Variants in ACTA2 observed in about 807,000 individuals in gnomAD.
ACTA2 encodes the protein actin, aortic smooth muscle.
A neutral mutation model predicts 39.5 loss-of-function variants in ACTA2; 12 were observed. That is an observed-to-expected ratio of 0.30 (90% CI 0.19 to 0.49). The LOEUF (loss-of-function observed/expected upper bound fraction) is 0.49. Among genes scored for constraint, ACTA2 ranks in the 20% least tolerant of loss-of-function variants. The pLI, the probability that ACTA2 is intolerant of heterozygous loss-of-function variation, is 0.99. For synonymous variants in ACTA2, 158 were observed against 180.6 expected, an observed-to-expected ratio of 0.88 and a Z score of 1.00; for missense variants, 236 against 498.8, an observed-to-expected ratio of 0.47 and a Z score of 5.02.
At position 88,947,538 on chromosome 10, in the gene ACTA2, C is replaced by T; in HGVS notation, c.130-152G>A. The T allele has an allele frequency of 4.2e-6, 5 of 1,200,838 alleles. No individual in the cohort carries two copies. In the South Asian group the frequency reaches 5.3e-5, roughly 13 times the overall value. The allele number at this position is 1,200,838 out of a possible 1,614,324, so 74.4% of individuals were successfully genotyped here. A position where few individuals can be genotyped will look rare whatever the true frequency, so the allele number is the denominator to read the frequency against. On this transcript the variant is annotated intron_variant, in intron 2 of 8. Coordinates refer to ENST00000224784, the MANE Select transcript of ACTA2 (RefSeq NM_001613.4). ...TATTGAGTCTCATTGCCACTATGCT[C>T]TTAAGCAAAATTCTGCAGTTGATTG... is the stretch of plus-strand genomic sequence containing the variant.
intron 1 of ACTA2, among the ~76,000 whole-genome samples, chr10:88,979,841 T>G (rs1166701628): frequency 6.6e-6 from 1 of 152,224 alleles, no homozygotes; most frequent in Non-Finnish European, 1.5e-5. Flanking sequence ...TTCTAGTGCC[T>G]GTGTCCTCAC....
chr10:88,952,450 TG>T (rs1030127285), intron 1 of ACTA2, among the ~76,000 whole-genome samples: 2 of 152,220 alleles, frequency 1.3e-5, no homozygotes, highest in African/African-American at 4.8e-5. Context: ...CTGCAAGATC[TG>T]GGCTGTTTGT....
chr10:88,935,304 C>T lies in ACTA2; in HGVS notation c.1053G>A (p.Leu351=). The T allele has an allele frequency of 6.2e-7, 1 of 1,613,948 alleles. No homozygotes were observed. ...VWIGGSILAS[L]STFQQMWISK... ...TGATCCACATCTGCTGGAAGGTGGACAGAGAGGCCAGGATGGAGCCACCGA... is the reference window on the plus strand; with the variant it reads ...TGATCCACATCTGCTGGAAGGTGGATAGAGAGGCCAGGATGGAGCCACCGA... The change falls in exon 9 of 9, where the codon CTG becomes CTA. Residue 351 remains leucine (L), a synonymous_variant. Transcript: ENST00000224784.
intron 1 of ACTA2, among the ~76,000 whole-genome samples, chr10:88,960,883 T>G (rs1846216664): frequency 6.6e-6 from 1 of 152,312 alleles, no homozygotes; most frequent in South Asian, 2.1e-4. Flanking sequence ...CCACAGAAAG[T>G]CTCTGTTCTC....
Position 88,990,751 on chromosome 10 carries a change from C to A in ACTA2, c.-24+188G>T. 8.2e-7 allele frequency: 1 copy of A among 1,213,934 alleles called. No individual in the cohort carries two copies. The highest frequency in any genetic ancestry group is 1.2e-6 in the Non-Finnish European group (1 of 829,034). The allele number at this position is 1,213,934 out of a possible 1,614,324, so 75.2% of individuals were successfully genotyped here. ...CTGGAGCCTCAGGGGCGGGCACTGG[C>A]ACGGAACACACCCTGAGGCCAGCCC... On this transcript the variant is annotated intron_variant, in intron 1 of 4. Coordinates refer to the ACTA2 transcript ENST00000415557. This position sits in a 1 kb window ranked among gnomAD's most constrained non-coding sequence, Gnocchi z 4.9.
At chr10:88,974,875 G>A (rs1042260230) in intron 1 of ACTA2, 8 of 152,104 alleles carry the variant, frequency 5.3e-5, no homozygotes, top group East Asian at 1.9e-4. Flanking sequence ...ACTATATAGC[G>A]CTCTAAATCC....
chr10:88,943,932 A>C lies in ACTA2; in HGVS notation c.259-25T>G, dbSNP rs746027292. 4.4e-6 allele frequency: 7 copies of C among 1,601,834 alleles called. No homozygotes were observed. In the South Asian group the frequency reaches 7.7e-5, roughly 18 times the overall value. ...TCTAGTGAGTTGGGGGACAGAGGAGAAACACAATGATGTGCTGTCATGAGG... is the reference window on the plus strand; with the variant it reads ...TCTAGTGAGTTGGGGGACAGAGGAGCAACACAATGATGTGCTGTCATGAGG... On this transcript the variant is annotated intron_variant, in intron 3 of 8. Transcript: ENST00000224784.
At chr10:88,980,335 T>C (rs914147556) in intron 1 of ACTA2, among the ~76,000 whole-genome samples, 3 of 152,158 alleles carry the variant, frequency 2.0e-5, no homozygotes, top group Non-Finnish European at 4.4e-5. Flanking sequence ...ACCTGAGGAC[T>C]GAGGAGAGCA....
At chr10:88,962,626 G>A (rs758857863) in intron 1 of ACTA2, among the ~76,000 whole-genome samples, 2 of 152,030 alleles carry the variant, frequency 1.3e-5, no homozygotes, top group African/African-American at 4.8e-5. Flanking sequence ...GTGTATGAAC[G>A]TAAGAGTGTC....
chr10:88,941,402 T>C lies in ACTA2; in HGVS notation c.455-12A>G, dbSNP rs1157859539. 10 of 1,613,692 alleles carry C rather than the reference T, an allele frequency of 6.2e-6. No individual in the cohort carries two copies. The South Asian group carries it at 8.8e-5, about 14-fold the overall frequency. Reference sequence around the variant, plus strand: ...GTCCAGCACGATGCCTGGGAGACAATTGGGCGTGATAAGTCACCATGGCAG... The same window carrying C: ...GTCCAGCACGATGCCTGGGAGACAACTGGGCGTGATAAGTCACCATGGCAG... On this transcript the variant is annotated splice_polypyrimidine_tract_variant and intron_variant, in intron 5 of 8. Coordinates refer to ENST00000224784, the MANE Select transcript of ACTA2 (RefSeq NM_001613.4).
intron 1 of ACTA2, among the ~76,000 whole-genome samples, chr10:88,963,835 C>T (rs761968925): frequency 7.9e-5 from 12 of 152,098 alleles, no homozygotes; most frequent in Non-Finnish European, 1.8e-4. Flanking sequence ...CTTTGTTTAG[C>T]TATACATTCC....
chr10:88,970,998 G>T (rs1335850478), intron 1 of ACTA2, among the ~76,000 whole-genome samples: 1 of 151,934 alleles, frequency 6.6e-6, no homozygotes, highest in Admixed American at 6.6e-5. Flanking sequence ...CCGCCCAAAG[G>T]CAATAAATAA....
At chr10:88,964,115 A>G (rs1034301993) in intron 1 of ACTA2, among the ~76,000 whole-genome samples, 6 of 151,990 alleles carry the variant, frequency 3.9e-5, no homozygotes, top group Admixed American at 2.0e-4. Context: ...TTAGTTTCAT[A>G]TATTTACTTT....
chr10:88,956,387 ATCT>A (rs1846139173), upstream of ACTA2, among the ~76,000 whole-genome samples: 1 of 152,204 alleles, frequency 6.6e-6, no homozygotes, highest in Non-Finnish European at 1.5e-5. Context: ...GCAGCAGAGC[ATCT>A]TCAAACTCTC....
chr10:88,981,723 T>C (rs1202277287), intron 1 of ACTA2, among the ~76,000 whole-genome samples: 5 of 152,130 alleles, frequency 3.3e-5, no homozygotes, highest in South Asian at 2.1e-4. Flanking sequence ...AGATAAAAGA[T>C]TGGGCAAAGT....
intron 1 of ACTA2, among the ~76,000 whole-genome samples, chr10:88,976,579 C>T (rs1846569609): frequency 6.6e-6 from 1 of 152,150 alleles, no homozygotes; most frequent in South Asian, 2.1e-4. Flanking sequence ...TTCCTTTCCA[C>T]TAAATTGAAA....
chr10:88,973,210 C>T, intron 1 of ACTA2: 1 of 1,612,442 alleles, frequency 6.2e-7, no homozygotes, highest in African/African-American at 1.3e-5. Context: ...GGGATAATTT[C>T]TGGCACTGCT....
chr10:88,976,927 T>G (rs1308993609), intron 1 of ACTA2, among the ~76,000 whole-genome samples: 2 of 152,098 alleles, frequency 1.3e-5, no homozygotes, highest in Admixed American at 6.5e-5. Flanking sequence ...GTGCTTGAGA[T>G]CCTTATATCT....
At chr10:88,936,702 C>G (rs1368163987) in intron 8 of ACTA2, among the ~76,000 whole-genome samples, 1 of 152,126 alleles carries the variant, frequency 6.6e-6, no homozygotes, top group African/African-American at 2.4e-5. Flanking sequence ...TCCTGTACAG[C>G]CTGCTGAACT....
Sources: allele counts gnomAD v4.1 joint callset (sites outside exome capture counted in the v4.1 genomes callset), GRCh38; gene constraint gnomAD v4.1.1; non-coding constraint Gnocchi (gnomAD v3.1); transcripts MANE v1.5; gene names NCBI Gene and HGNC (gene_info 2026-07-23, HGNC 2026-07-21).